The following GRIP1 variants were observed in gnomAD, a reference collection of about 807,000 sequenced individuals.
GRIP1 encodes the protein glutamate receptor-interacting protein 1.
Under a neutral mutation model 129.9 loss-of-function variants are expected in GRIP1, and 45 were observed. The ratio of observed to expected loss-of-function variants is 0.35; its 90% CI spans 0.27 to 0.44. GRIP1 has a LOEUF of 0.44. Among genes scored for constraint, GRIP1 ranks in the 20% least tolerant of loss-of-function variants. GRIP1 has a pLI of 1.00. For synonymous variants in GRIP1, 530 were observed against 520.8 expected, an observed-to-expected ratio of 1.02 and a Z score of -0.24; for missense variants, 1,196 against 1,396.8, an observed-to-expected ratio of 0.86 and a Z score of 2.29.
intron 2 of GRIP1, among the ~76,000 whole-genome samples, chr12:66,595,856 A>T (rs965158467): frequency 6.6e-6 from 1 of 152,196 alleles, no homozygotes; most frequent in Admixed American, 6.5e-5. Flanking sequence ...TTTTTATAAA[A>T]ATAAAGAATA....
intron 1 of GRIP1, among the ~76,000 whole-genome samples, chr12:67,003,305 T>C (rs970393843): frequency 2.0e-5 from 3 of 152,218 alleles, no homozygotes; most frequent in African/African-American, 4.8e-5. Context: ...GACTATTATG[T>C]TTTTTCATTT....
At chr12:66,808,375 G>A (rs913067788), upstream of GRIP1, among the ~76,000 whole-genome samples, 1 of 152,100 alleles carries the variant, frequency 6.6e-6, no homozygotes, top group African/African-American at 2.4e-5. Context: ...TCGGCTCACT[G>A]CAACCTCTTC....
intron 7 of GRIP1, among the ~76,000 whole-genome samples, chr12:66,502,002 AGT>A (rs2060406406): frequency 6.6e-6 from 1 of 152,204 alleles, no homozygotes; most frequent in African/African-American, 2.4e-5. Flanking sequence ...CTTCTTAGAT[AGT>A]GATTTTAGCT....
intron 23 of GRIP1, 80 bp downstream of exon 23, chr12:66,371,614 C>T: frequency 1.1e-6 from 1 of 889,532 alleles, no homozygotes; most frequent in Non-Finnish European, 1.9e-6. Context: ...ATACCATTGC[C>T]ATGCTTACAT....
At chr12:66,689,465 A>G (rs2034900226) in intron 1 of GRIP1, among the ~76,000 whole-genome samples, 1 of 152,230 alleles carries the variant, frequency 6.6e-6, no homozygotes, top group Non-Finnish European at 1.5e-5. Flanking sequence ...TGTGCTAGCC[A>G]TGGCTTAAGT....
At chr12:66,704,505 TAAC>T (rs909273983) in intron 1 of GRIP1, among the ~76,000 whole-genome samples, 34 of 151,938 alleles carry the variant, frequency 2.2e-4, no homozygotes, top group Middle Eastern at 6.8e-3. Context: ...TCAACACAAA[TAAC>T]AAATAAACAC....
chr12:67,020,083 T>G (rs984297751), intron 1 of GRIP1, among the ~76,000 whole-genome samples: 9 of 152,176 alleles, frequency 5.9e-5, no homozygotes, highest in African/African-American at 2.2e-4. Flanking sequence ...TTTTGCACTT[T>G]AAATATTAAG....
chr12:66,589,116 A>T (rs2063753605), intron 2 of GRIP1, among the ~76,000 whole-genome samples: 1 of 152,116 alleles, frequency 6.6e-6, no homozygotes, highest in Non-Finnish European at 1.5e-5. Context: ...TATTCATAAA[A>T]ATGGCTAGTC....
At chr12:66,493,426 C>G (rs2047077) in intron 7 of GRIP1, among the ~76,000 whole-genome samples, 16,821 of 152,132 alleles carry the variant, frequency 0.11, 1,266 homozygotes, top group Admixed American at 0.21. Context: ...TGTTTTGAAA[C>G]TCGTATTTTC....
At chr12:66,498,697 G>T (rs1411261641) in intron 7 of GRIP1, among the ~76,000 whole-genome samples, 1 of 149,038 alleles carries the variant, frequency 6.7e-6, no homozygotes, top group African/African-American at 2.4e-5. Flanking sequence ...CTGTCATACA[G>T]GCAAAAAAAA....
At position 66,347,723 on chromosome 12, in the gene GRIP1, G is replaced by GAAAT. The variant is rs1388785704; in HGVS notation, c.*1292_*1295dup. 3.3e-5 allele frequency: 5 copies of GAAAT among 150,352 alleles called. No individual in the cohort carries two copies. In the East Asian group the frequency reaches 5.9e-4, roughly 18 times the overall value. 9.3% of individuals were successfully genotyped at this position (150,352 alleles called of 1,614,324 possible). ...GCCCTGGCGGTTCTGAAATGTGATT[G>GAAAT]AAATAATATTTTTTTTGCACAAAAA... On this transcript the variant is annotated 3_prime_UTR_variant, in exon 25 of 25. Transcript: ENST00000359742.
intron 1 of GRIP1, among the ~76,000 whole-genome samples, chr12:66,697,765 G>T (rs1592752880): frequency 6.6e-6 from 1 of 152,254 alleles, no homozygotes; most frequent in African/African-American, 2.4e-5. Context: ...AAAAGCAACA[G>T]ATTCGAAAGT....
chr12:66,455,777 A>G (rs975342790), intron 10 of GRIP1, among the ~76,000 whole-genome samples: 1 of 152,246 alleles, frequency 6.6e-6, no homozygotes, highest in Non-Finnish European at 1.5e-5. Flanking sequence ...TTATAAGCTC[A>G]TAGGAACACA....
At chr12:66,604,436 G>A (rs574607568) in intron 1 of GRIP1, among the ~76,000 whole-genome samples, 1 of 152,298 alleles carries the variant, frequency 6.6e-6, no homozygotes, top group East Asian at 1.9e-4. Flanking sequence ...GTTAATGGCA[G>A]TCACAGACCT....
chr12:66,620,833 T>C (rs1163559433), intron 1 of GRIP1, among the ~76,000 whole-genome samples: 1 of 150,442 alleles, frequency 6.6e-6, no homozygotes. Context: ...GAGTGGTGCA[T>C]AAGCTGCTTC....
chr12:66,578,711 G>C (rs553547932), intron 2 of GRIP1, among the ~76,000 whole-genome samples: 1 of 152,192 alleles, frequency 6.6e-6, no homozygotes, highest in African/African-American at 2.4e-5. Flanking sequence ...GGGGAGGGGC[G>C]CCCACGATTG....
chr12:66,646,693 C>A lies in GRIP1; in HGVS notation c.55+32157G>T, dbSNP rs2032397874. Among the ~76,000 whole-genome samples, 3 of 152,146 alleles carry A rather than the reference C, an allele frequency of 2.0e-5. No individual in the cohort carries two copies. The South Asian group carries it at 6.2e-4, about 32-fold the overall frequency. Reference sequence around the variant, plus strand: ...GATGGCAGTCCTCCATTATCACATTCTAGTTTTCATTCCCTTCACCTGTCC... The same window carrying A: ...GATGGCAGTCCTCCATTATCACATTATAGTTTTCATTCCCTTCACCTGTCC... On this transcript the variant is annotated intron_variant, in intron 1 of 24. Transcript: ENST00000359742.
At chr12:66,814,341 T>C (rs965859687) in intron 1 of GRIP1, among the ~76,000 whole-genome samples, 1 of 152,062 alleles carries the variant, frequency 6.6e-6, no homozygotes, top group South Asian at 2.1e-4. Context: ...AATTTAAATG[T>C]ATTGTTATTG....
At chr12:66,455,333 A>G (rs2058924847) in intron 11 of GRIP1, 76 bp downstream of exon 11, 1 of 1,324,060 alleles carries the variant, frequency 7.6e-7, no homozygotes, top group Non-Finnish European at 1.1e-6. Context: ...CTCTTCCCAC[A>G]ATTTCGGTAT....
Sources: gnomAD v4.1 joint callset for allele counts (sites outside exome capture counted in the v4.1 genomes callset) on GRCh38, gnomAD v4.1.1 for gene constraint, MANE v1.5 for transcripts, NCBI Gene and HGNC (gene_info 2026-07-23, HGNC 2026-07-21) for gene names.